NTM: variants seen among roughly 807,000 people sequenced by gnomAD.
The protein encoded by NTM is neurotrimin.
A neutral mutation model predicts 42.1 loss-of-function variants in NTM; 13 were observed. That is an observed-to-expected ratio of 0.31 (90% CI 0.20 to 0.49). The LOEUF (loss-of-function observed/expected upper bound fraction) is 0.49. NTM is among the 20% of genes least tolerant of loss of function. The pLI, the probability that NTM is intolerant of heterozygous loss-of-function variation, is 0.99. For missense variants in NTM, 373 were observed against 452.8 expected (o/e 0.82, Z 1.60); for synonymous variants, 187 against 179.2 (o/e 1.04, Z -0.35).
intron 1 of NTM, among the ~76,000 whole-genome samples, chr11:131,541,788 T>C (rs1029259029): frequency 6.6e-6 from 1 of 152,250 alleles, no homozygotes; most frequent in African/African-American, 2.4e-5. Flanking sequence ...CTGAATTAGA[T>C]AACATATTTA....
chr11:131,625,716 T>C (rs3133336), intron 1 of NTM, among the ~76,000 whole-genome samples: 115,956 of 152,078 alleles, frequency 0.76, 44,856 homozygotes, highest in Non-Finnish European at 0.83. Context: ...GGCCCTGTTG[T>C]GCTCACAGCT....
chr11:132,201,882 G>C (rs2081214873), intron 3 of NTM, among the ~76,000 whole-genome samples: 1 of 152,190 alleles, frequency 6.6e-6, no homozygotes, highest in Admixed American at 6.5e-5. Flanking sequence ...GTGGCTTCGA[G>C]CACATCATTA....
chr11:131,524,274 C>T (rs2050159731), intron 1 of NTM, among the ~76,000 whole-genome samples: 1 of 152,228 alleles, frequency 6.6e-6, no homozygotes, highest in African/African-American at 2.4e-5. Flanking sequence ...TCTACACGAT[C>T]TTTCCAGTAG....
chr11:131,762,170 C>T (rs747629947), intron 1 of NTM, among the ~76,000 whole-genome samples: 8 of 152,240 alleles, frequency 5.3e-5, no homozygotes, highest in Non-Finnish European at 1.2e-4. Context: ...AGCACCCTAG[C>T]GCCTCAGGAG....
chr11:132,155,358 T>A (rs1013099643), intron 3 of NTM, among the ~76,000 whole-genome samples: 1 of 152,206 alleles, frequency 6.6e-6, no homozygotes, highest in Non-Finnish European at 1.5e-5. Context: ...ATTGTTGTGA[T>A]CATCCAACAG....
At chr11:132,263,639 T>G (rs565413711) in intron 4 of NTM, among the ~76,000 whole-genome samples, 1 of 152,188 alleles carries the variant, frequency 6.6e-6, no homozygotes, top group East Asian at 1.9e-4. Context: ...TTCATTTCCC[T>G]TTCTCACATG....
intron 3 of NTM, among the ~76,000 whole-genome samples, chr11:132,158,160 T>G (rs2073594285): frequency 6.6e-6 from 1 of 152,216 alleles, no homozygotes; most frequent in Admixed American, 6.5e-5. Context: ...AAGGTCTTCC[T>G]TGGTCCGGCC....
intron 1 of NTM, among the ~76,000 whole-genome samples, chr11:131,473,048 T>G (rs1952595693): frequency 6.6e-6 from 1 of 152,232 alleles, no homozygotes; most frequent in African/African-American, 2.4e-5. Flanking sequence ...TAGCCAATAT[T>G]TCCAGGGTGG....
At chr11:132,108,648 G>A (rs1028062458) in intron 2 of NTM, among the ~76,000 whole-genome samples, 6 of 151,860 alleles carry the variant, frequency 4.0e-5, no homozygotes, top group Non-Finnish European at 8.8e-5. Context: ...CCATGAAACC[G>A]AATGTCACCT....
intron 1 of NTM, among the ~76,000 whole-genome samples, chr11:131,884,123 A>G (rs528433735): frequency 6.6e-6 from 1 of 152,180 alleles, no homozygotes; most frequent in Admixed American, 6.5e-5. Context: ...AAACACTAAA[A>G]AGTTGGCTGG....
At chr11:131,623,604 C>A (rs2062794674) in intron 1 of NTM, among the ~76,000 whole-genome samples, 1 of 152,212 alleles carries the variant, frequency 6.6e-6, no homozygotes, top group African/African-American at 2.4e-5. Context: ...AAATAAACAA[C>A]TAATCAGCGA....
At chr11:131,526,844 A>T (rs405585) in intron 1 of NTM, among the ~76,000 whole-genome samples, 27,152 of 152,128 alleles carry the variant, frequency 0.18, 2,455 homozygotes, top group Middle Eastern at 0.23. Flanking sequence ...GGGTGTGGTC[A>T]CAAAAGACTG....
At chr11:131,899,778 G>GT (rs35324377) in intron 1 of NTM, among the ~76,000 whole-genome samples, 13,678 of 151,926 alleles carry the variant, frequency 0.09, 655 homozygotes, top group East Asian at 0.12. Context: ...TTTCTTAAGA[G>GT]TTTTTTTATT....
chr11:132,044,016 ATATATGTG>A (rs2077563678), intron 2 of NTM, among the ~76,000 whole-genome samples: 1 of 136,118 alleles, frequency 7.3e-6, no homozygotes, highest in Non-Finnish European at 1.6e-5. Context: ...ATGTGTGTGT[ATATATGTG>A]TGTATGTGTG....
chr11:131,622,377 A>G (rs1321531931), intron 1 of NTM, among the ~76,000 whole-genome samples: 1 of 152,228 alleles, frequency 6.6e-6, no homozygotes, highest in Non-Finnish European at 1.5e-5. Context: ...GCCCCGGGCC[A>G]TGTCCATCCT....
intron 1 of NTM, among the ~76,000 whole-genome samples, chr11:131,619,416 C>T (rs1308449018): frequency 6.6e-6 from 1 of 152,164 alleles, no homozygotes; most frequent in Non-Finnish European, 1.5e-5. Flanking sequence ...GAGGCTAGGA[C>T]ACACACCAAA....
At chr11:131,566,699 T>G (rs2056925515) in intron 1 of NTM, among the ~76,000 whole-genome samples, 2 of 152,308 alleles carry the variant, frequency 1.3e-5, no homozygotes, top group South Asian at 2.1e-4. Flanking sequence ...ATAAAACTCT[T>G]AAAAGGATAA....
chr11:131,387,295 G>GCT lies in NTM; in HGVS notation c.82+16427_82+16428dup, dbSNP rs142715982. On this transcript the variant is annotated intron_variant, in intron 1 of 8. Transcript: ENST00000683400. The stretch of plus-strand genomic sequence containing the variant: ...AAGTCATCTGCTTCCCTTTCTTGGA[G>GCT]CTCTCTCTCTCTCTCTCTCTCCCTC... 5.7e-3 allele frequency among the ~76,000 whole-genome samples: 846 copies of GCT among 148,780 alleles called. 10 individuals carry two copies. Among genetic ancestry groups the GCT allele is most frequent in the African/African-American group, 0.018 (745 of 40,608 alleles).
chr11:131,910,566 G>A (rs1312549059), intron 1 of NTM, among the ~76,000 whole-genome samples: 1 of 151,286 alleles, frequency 6.6e-6, no homozygotes, highest in South Asian at 2.1e-4. Context: ...GGCGGTCAGG[G>A]ATGGAGCTGC....
Sources: allele counts gnomAD v4.1 joint callset (sites outside exome capture counted in the v4.1 genomes callset), GRCh38; gene constraint gnomAD v4.1.1; transcripts MANE v1.5; gene names NCBI Gene and HGNC (gene_info 2026-07-23, HGNC 2026-07-21).